COL24A1: variants seen among roughly 807,000 people sequenced by gnomAD.
COL24A1 encodes the protein collagen type XXIV alpha 1 chain.
A neutral mutation model predicts 253.9 loss-of-function variants in COL24A1; 224 were observed. That is an observed-to-expected ratio of 0.88 (90% confidence interval 0.79 to 0.99). The LOEUF is 0.99. Among genes scored for constraint, COL24A1 ranks in the 50% least tolerant of loss-of-function variants. The probability of loss-of-function intolerance (pLI) is 0.00; values close to 1 mark genes in which losing one functional copy is unlikely to be tolerated. For missense variants in COL24A1, 2,131 were observed against 2,068.5 expected (o/e 1.03, Z -0.59); for synonymous variants, 685 against 673.7 (o/e 1.02, Z -0.26).
chr1:86,111,286 T>C (rs1479031276), intron 5 of COL24A1, among the ~76,000 whole-genome samples: 1 of 152,176 alleles, frequency 6.6e-6, no homozygotes, highest in African/African-American at 2.4e-5. Context: ...TATGTCTAGC[T>C]AGAGGATTGT....
intron 57 of COL24A1, among the ~76,000 whole-genome samples, chr1:85,744,267 C>T (rs1012556063): frequency 6.6e-6 from 1 of 151,976 alleles, no homozygotes; most frequent in African/African-American, 2.4e-5. Flanking sequence ...CATTTAAATT[C>T]CATTTTGTAT....
intron 19 of COL24A1, among the ~76,000 whole-genome samples, chr1:85,994,611 A>T (rs545070029): frequency 6.6e-6 from 1 of 152,292 alleles, no homozygotes; most frequent in African/African-American, 2.4e-5. Context: ...TGATGAGTCC[A>T]GGTAGGAAAG....
intron 12 of COL24A1, among the ~76,000 whole-genome samples, chr1:86,043,862 A>G (rs906087179): frequency 6.6e-6 from 1 of 152,196 alleles, no homozygotes; most frequent in Non-Finnish European, 1.5e-5. Flanking sequence ...GCAGAAAATT[A>G]AAACAGTTTT....
intron 31 of COL24A1, among the ~76,000 whole-genome samples, chr1:85,891,812 T>C (rs1309505341): frequency 2.0e-5 from 3 of 152,242 alleles, no homozygotes; most frequent in Non-Finnish European, 2.9e-5. Context: ...TTAATGCTGT[T>C]GATACTGCAT....
At chr1:86,061,164 A>C (rs1200840333) in intron 8 of COL24A1, among the ~76,000 whole-genome samples, 1 of 152,044 alleles carries the variant, frequency 6.6e-6, no homozygotes, top group Non-Finnish European at 1.5e-5. Context: ...CCGTCTCCCT[A>C]GTGTGAGTTT....
At chr1:85,969,964 A>G (rs527433464) in intron 22 of COL24A1, among the ~76,000 whole-genome samples, 5 of 152,316 alleles carry the variant, frequency 3.3e-5, no homozygotes, top group African/African-American at 1.2e-4. Flanking sequence ...TTACATTTTG[A>G]GAAATTTATA....
At chr1:86,095,301 T>A (rs545237606) in intron 5 of COL24A1, among the ~76,000 whole-genome samples, 1 of 152,178 alleles carries the variant, frequency 6.6e-6, no homozygotes, top group African/African-American at 2.4e-5. Context: ...AAAGGGTACT[T>A]TTTCTTCATG....
At chr1:85,850,434 C>T (rs1386892512) in intron 37 of COL24A1, among the ~76,000 whole-genome samples, 1 of 152,150 alleles carries the variant, frequency 6.6e-6, no homozygotes, top group African/African-American at 2.4e-5. Context: ...GACTCATACC[C>T]TATGCTCCTG....
chr1:86,138,058 C>T (rs767254546), intron 2 of COL24A1, among the ~76,000 whole-genome samples: 3 of 152,172 alleles, frequency 2.0e-5, no homozygotes, highest in Non-Finnish European at 1.5e-5. Context: ...TATTTTCCTT[C>T]ATTCTTAAAC....
At chr1:86,004,609 C>T (rs1215420115) in intron 19 of COL24A1, among the ~76,000 whole-genome samples, 1 of 152,116 alleles carries the variant, frequency 6.6e-6, no homozygotes, top group African/African-American at 2.4e-5. Context: ...ATAGGATGAA[C>T]ATTTGGGTCT....
intron 27 of COL24A1, among the ~76,000 whole-genome samples, chr1:85,908,287 T>G (rs1190933247): frequency 2.0e-5 from 3 of 151,908 alleles, no homozygotes; most frequent in Non-Finnish European, 4.4e-5. Flanking sequence ...CACTTGTAAT[T>G]TATTTATCCA....
chr1:86,095,661 C>G (rs1703841809), intron 5 of COL24A1, among the ~76,000 whole-genome samples: 1 of 151,886 alleles, frequency 6.6e-6, no homozygotes, highest in Non-Finnish European at 1.5e-5. Context: ...TTTTCAAATC[C>G]CCTTTGGAAT....
At chr1:86,065,075 C>T (rs781022080) in intron 7 of COL24A1, among the ~76,000 whole-genome samples, 1 of 152,112 alleles carries the variant, frequency 6.6e-6, no homozygotes, top group Non-Finnish European at 1.5e-5. Context: ...TGGTGGCTCC[C>T]TGGGATGAGG....
intron 38 of COL24A1, 119 bp from the exon 39 acceptor site, chr1:85,847,891 C>T: frequency 1.9e-6 from 1 of 531,738 alleles, no homozygotes; most frequent in Non-Finnish European, 3.3e-6. Context: ...TTACAGATCA[C>T]TATTAACAAC....
chr1:85,743,039 C>T (rs1213211613), intron 57 of COL24A1, among the ~76,000 whole-genome samples: 4 of 152,064 alleles, frequency 2.6e-5, no homozygotes, highest in South Asian at 4.1e-4. Flanking sequence ...CTACCTCTAC[C>T]CCTGTCTTCC....
At chr1:85,872,258 GGCCATATT>G (rs1341496416) in intron 35 of COL24A1, among the ~76,000 whole-genome samples, 1 of 152,130 alleles carries the variant, frequency 6.6e-6, no homozygotes, top group Non-Finnish European at 1.5e-5. Context: ...TTGTCAAAAT[GGCCATATT>G]GCCCAAGGTA....
At chr1:85,957,997 A>G (rs1017619621) in intron 24 of COL24A1, among the ~76,000 whole-genome samples, 2 of 152,272 alleles carry the variant, frequency 1.3e-5, no homozygotes, top group African/African-American at 4.8e-5. Context: ...CTACCATCAC[A>G]TATAACAATA....
chr1:86,043,613 C>T (rs996818837), intron 12 of COL24A1, among the ~76,000 whole-genome samples: 5 of 152,090 alleles, frequency 3.3e-5, no homozygotes, highest in Middle Eastern at 6.8e-3. Context: ...CTGCAACCTC[C>T]GCCTCTTGGA....
chr1:86,081,096 T>C (rs966318682), intron 7 of COL24A1, among the ~76,000 whole-genome samples: 1 of 152,140 alleles, frequency 6.6e-6, no homozygotes, highest in Admixed American at 6.5e-5. Flanking sequence ...TTGAAAACAT[T>C]AGAAATTAAA....
Sources: gnomAD v4.1 joint callset for allele counts (sites outside exome capture counted in the v4.1 genomes callset) on GRCh38, gnomAD v4.1.1 for gene constraint, MANE v1.5 for transcripts, NCBI Gene and HGNC (gene_info 2026-07-23, HGNC 2026-07-21) for gene names.